CCPG1: variants seen among roughly 807,000 people sequenced by gnomAD.
CCPG1 encodes cell cycle progression 1, also known as cell cycle progression protein 1.
CCPG1 carries 46 observed loss-of-function variants against 81.3 expected under a neutral mutation model. The observed-to-expected ratio is 0.57, with a 90% CI of 0.45 to 0.72. CCPG1 has a LOEUF of 0.72. CCPG1 is among the 30% of genes least tolerant of loss of function. CCPG1 has a pLI of 0.00. For missense variants in CCPG1, 902 were observed against 937.6 expected, an observed-to-expected ratio of 0.96 and a Z score of 0.50; for synonymous variants, 330 against 305.2, an observed-to-expected ratio of 1.08 and a Z score of -0.85.
intron 1 of CCPG1, among the ~76,000 whole-genome samples, chr15:55,406,697 A>C (rs2057231582): frequency 6.6e-6 from 1 of 151,614 alleles, no homozygotes; most frequent in Admixed American, 6.6e-5. Context: ...GGCCTCCCAA[A>C]GTGCTGGGAT....
In CCPG1 at chr15:55,355,986, A is replaced by G; in HGVS notation, c.*234T>C. 2.1e-6 allele frequency: 1 copy of G among 487,178 alleles called. No homozygotes were observed. Among genetic ancestry groups the G allele is most frequent in the Non-Finnish European group, 3.6e-6 (1 of 279,996 alleles). 30.2% of individuals were successfully genotyped at this position (487,178 alleles called of 1,614,324 possible). A position where few individuals can be genotyped will look rare whatever the true frequency, so the allele number is the denominator to read the frequency against. ...CATGCCTGGCTTCCTTAATAAAACT[A>G]CAGTTGAACATTTCCAGTGTCAAAA... On this transcript the variant is annotated 3_prime_UTR_variant, in exon 9 of 9. Coordinates refer to ENST00000442196, the MANE Select transcript of CCPG1 (RefSeq NM_001204450.2).
At position 55,391,070 on chromosome 15, in the gene CCPG1, G is replaced by A. The variant is rs951932519; in HGVS notation, c.-9-1637C>T. ...AAATACCCTGTAGGATATTAACCAC[G>A]TTTATATCTTAGCAATTTTATTTCA... On this transcript the variant is annotated intron_variant, in intron 1 of 8. Coordinates refer to ENST00000442196, the MANE Select transcript of CCPG1 (RefSeq NM_001204450.2). Among the ~76,000 whole-genome samples the A allele has an allele frequency of 6.6e-5, 10 of 152,148 alleles. No individual in the cohort carries two copies. In the South Asian group the frequency reaches 1.7e-3, roughly 25 times the overall value.
intron 8 of CCPG1, chr15:55,358,549 T>A (rs1473305294): frequency 1.0e-5 from 10 of 985,308 alleles, no homozygotes; most frequent in Admixed American, 6.2e-5. Context: ...ATGACCTTCC[T>A]TTTAAGTGAA....
At chr15:55,358,256 G>T in intron 8 of CCPG1, 3 of 479,362 alleles carry the variant, frequency 6.3e-6, no homozygotes, top group Non-Finnish European at 8.2e-6. Context: ...AGATTGTAAA[G>T]AAGGAAAAAG....
At chr15:55,402,400 G>T (rs56006941) in intron 1 of CCPG1, among the ~76,000 whole-genome samples, 184 of 152,176 alleles carry the variant, frequency 1.2e-3, no homozygotes, top group African/African-American at 4.2e-3. Flanking sequence ...GCTAATTTTT[G>T]TATTTTTAGT....
At chr15:55,367,617 G>C (rs1251062096) in intron 6 of CCPG1, among the ~76,000 whole-genome samples, 1 of 10,466 alleles carries the variant, frequency 9.6e-5, no homozygotes, top group Non-Finnish European at 3.4e-4. Flanking sequence ...CCTGTTTGTA[G>C]GGTGGAAAAA....
chr15:55,365,058 C>T (rs949448996), intron 7 of CCPG1, 130 bp downstream of exon 7: 3 of 603,898 alleles, frequency 5.0e-6, no homozygotes, highest in Non-Finnish European at 5.9e-6. Context: ...ACACTAAATA[C>T]CCGTACTCAA....
intron 3 of CCPG1, 104 bp downstream of exon 3, chr15:55,385,496 C>G (rs2056781148): frequency 3.4e-6 from 2 of 590,100 alleles, no homozygotes; most frequent in Non-Finnish European, 5.9e-6. Context: ...TCCAACGACC[C>G]CTTAGATTAG....
rs969106775 is a variant in CCPG1, at chr15:55,357,126, C to A, written c.2235-717G>T. On this transcript the variant is annotated intron_variant, in intron 8 of 8. Transcript: ENST00000442196. The stretch of plus-strand genomic sequence containing the variant: ...AAAGAGATGACCATAGAACTAACTG[C>A]CAACTAACCCTCTCCACTTGAATGT... The A allele has an allele frequency of 4.6e-5, 45 of 981,470 alleles. No homozygotes were observed. The African/African-American group carries it at 6.8e-4, about 15-fold the overall frequency. The allele number at this position is 981,470 out of a possible 1,614,324, so 60.8% of individuals were successfully genotyped here. A position where few individuals can be genotyped will look rare whatever the true frequency, so the allele number is the denominator to read the frequency against.
At chr15:55,393,034 G>A (rs2056952052) in intron 1 of CCPG1, among the ~76,000 whole-genome samples, 2 of 152,308 alleles carry the variant, frequency 1.3e-5, no homozygotes, top group Middle Eastern at 3.4e-3. Context: ...AACCCAGGAG[G>A]CGGATGTTGC....
chr15:55,387,526 A>C (rs1235528593), intron 2 of CCPG1, among the ~76,000 whole-genome samples: 1 of 152,150 alleles, frequency 6.6e-6, no homozygotes, highest in Non-Finnish European at 1.5e-5. Context: ...CTAATAGTTT[A>C]AAAAACAAAA....
intron 8 of CCPG1, chr15:55,358,699 C>T: frequency 1.0e-6 from 1 of 985,422 alleles, no homozygotes. Flanking sequence ...ATGCCCCATA[C>T]CTTAATTTCA....
intron 3 of CCPG1, 94 bp from the exon 4 acceptor site, chr15:55,378,470 C>T: frequency 3.0e-6 from 2 of 675,076 alleles, no homozygotes; most frequent in Non-Finnish European, 5.0e-6. Context: ...AGATAAAAAT[C>T]TCTTCCTAAT....
chr15:55,404,743 T>C (rs2057184950), intron 1 of CCPG1, among the ~76,000 whole-genome samples: 1 of 152,042 alleles, frequency 6.6e-6, no homozygotes. Flanking sequence ...GAGACCAGCC[T>C]GGGAAACATA....
In CCPG1 at chr15:55,356,140, A is replaced by G. The variant is rs528257234; in HGVS notation, c.*80T>C. On this transcript the variant is annotated 3_prime_UTR_variant, in exon 9 of 9. Coordinates refer to ENST00000442196, the MANE Select transcript of CCPG1 (RefSeq NM_001204450.2). ...AAGAAAAGACATTGTCATCTTGGTAATTTCATTAGTTTCAATACCAAACAT... is the reference window on the plus strand; with the variant it reads ...AAGAAAAGACATTGTCATCTTGGTAGTTTCATTAGTTTCAATACCAAACAT... 4.0e-6 allele frequency: 4 copies of G among 999,110 alleles called. No homozygotes were observed. In the African/African-American group the frequency reaches 5.0e-5, roughly 12 times the overall value. 61.9% of individuals were successfully genotyped at this position (999,110 alleles called of 1,614,324 possible).
chr15:55,405,267 C>G (rs142148180), intron 1 of CCPG1, among the ~76,000 whole-genome samples: 2,511 of 152,082 alleles, frequency 0.017, 72 homozygotes, highest in African/African-American at 0.059. Flanking sequence ...GAGGGTGAGG[C>G]GGGAGAACCA....
intron 1 of CCPG1, among the ~76,000 whole-genome samples, chr15:55,400,376 T>C (rs7168455): frequency 0.18 from 26,859 of 151,210 alleles, 4,140 homozygotes; most frequent in African/African-American, 0.42. Flanking sequence ...GGCATGATGG[T>C]GCGTGCCTGT....
rs895091777 is a variant in CCPG1, at chr15:55,356,248, C to T, written c.2396G>A (p.Gly799Glu). ...RQMANLEIEL[G>E]QLPFDPQY is the part of the protein sequence containing the mutation. ...GTATTGAGGATCAAAAGGTAATTGC[C>T]CCAATTCTATTTCAAGATTTGCCAT... Residue 799 changes from glycine to glutamate, a missense_variant, in exon 9 of 9, where the codon GGG becomes GAG. Physicochemically the swap from Gly to Glu is moderately conservative, Grantham distance 98. Around this residue, in one of 3 missense-constraint regions of CCPG1, gnomAD observed 128 missense variants for 161.2 expected, o/e 0.79. Transcript: ENST00000442196. 6 of 1,534,458 alleles carry T rather than the reference C, an allele frequency of 3.9e-6. No individual in the cohort carries two copies. The Admixed American group carries it at 9.9e-5, about 25-fold the overall frequency.
At chr15:55,369,170 C>T (rs1052551090) in intron 6 of CCPG1, among the ~76,000 whole-genome samples, 5 of 151,446 alleles carry the variant, frequency 3.3e-5, no homozygotes, top group East Asian at 2.0e-4. Context: ...ACCGACTTTA[C>T]GGTGAATAGA....
Sources: gnomAD v4.1 joint callset for allele counts (sites outside exome capture counted in the v4.1 genomes callset) on GRCh38, gnomAD v4.1.1 for gene constraint, gnomAD v4.1.1 regional missense constraint, MANE v1.5 for transcripts, NCBI Gene and HGNC (gene_info 2026-07-23, HGNC 2026-07-21) for gene names.